Variants in REDIC1 observed in about 807,000 individuals in gnomAD.
REDIC1 encodes the protein regulator of DNA class I crossover intermediates 1, also known as HEI10 Interacting Protein 1.
chr12:39,789,995 C>T, the REDIC1 span, among the ~76,000 whole-genome samples: 2 of 151,822 alleles, frequency 1.3e-5, no homozygotes, highest in Non-Finnish European at 2.9e-5. Context: ...TAGCCACATT[C>T]AAAAAGTAAA....
the REDIC1 span, among the ~76,000 whole-genome samples, chr12:39,855,746 C>G: frequency 6.6e-6 from 1 of 152,292 alleles, no homozygotes. Flanking sequence ...AGACTTTCAG[C>G]TACTAAAACC....
chr12:39,693,382 T>G, the REDIC1 span, among the ~76,000 whole-genome samples: 1 of 151,908 alleles, frequency 6.6e-6, no homozygotes, highest in Non-Finnish European at 1.5e-5. Context: ...TCTATCCTTA[T>G]CCTCCCTGCC....
At chr12:39,781,964 G>C in the REDIC1 span, among the ~76,000 whole-genome samples, 3 of 152,206 alleles carry the variant, frequency 2.0e-5, no homozygotes, top group African/African-American at 7.2e-5. Flanking sequence ...ATAATCTTGA[G>C]TTATGGTTGT....
At chr12:39,740,997 C>T in the REDIC1 span, among the ~76,000 whole-genome samples, 111 of 151,996 alleles carry the variant, frequency 7.3e-4, no homozygotes, top group Admixed American at 1.8e-3. Flanking sequence ...GATGGAGTCC[C>T]GCTCTGTCAC....
the REDIC1 span, among the ~76,000 whole-genome samples, chr12:39,664,672 A>G: frequency 6.6e-6 from 1 of 152,228 alleles, no homozygotes; most frequent in African/African-American, 2.4e-5. Flanking sequence ...CAATGGTTGA[A>G]CTAGTTTACA....
At chr12:39,850,487 G>C in the REDIC1 span, among the ~76,000 whole-genome samples, 42 of 152,202 alleles carry the variant, frequency 2.8e-4, no homozygotes, top group East Asian at 6.9e-3. Flanking sequence ...AACTTAGGAT[G>C]CTTAGGTTTC....
chr12:39,742,305 C>G, the REDIC1 span, among the ~76,000 whole-genome samples: 1 of 152,054 alleles, frequency 6.6e-6, no homozygotes, highest in Non-Finnish European at 1.5e-5. Context: ...GTTAAATATC[C>G]TTTTTTTCAA....
the REDIC1 span, among the ~76,000 whole-genome samples, chr12:39,747,528 T>C: frequency 4.7e-4 from 72 of 152,256 alleles, no homozygotes; most frequent in African/African-American, 1.5e-3. Flanking sequence ...AAGAACTTCC[T>C]CAACCTAGCA....
At chr12:39,655,544 A>G in the REDIC1 span, among the ~76,000 whole-genome samples, 1 of 152,166 alleles carries the variant, frequency 6.6e-6, no homozygotes, top group Admixed American at 6.6e-5. Context: ...GAGTTTATCA[A>G]AGCTCATTAT....
chr12:39,886,082 T>C, the REDIC1 span, among the ~76,000 whole-genome samples: 92 of 152,282 alleles, frequency 6.0e-4, 1 homozygote, highest in South Asian at 0.019. Flanking sequence ...AATAAACAGG[T>C]CAAGGTTAAA....
At chr12:39,672,249 G>T in the REDIC1 span, among the ~76,000 whole-genome samples, 13 of 152,100 alleles carry the variant, frequency 8.5e-5, no homozygotes, top group Admixed American at 2.6e-4. Context: ...GGCTGGGTGG[G>T]CCTGTTCTCA....
chr12:39,810,479 T>C, the REDIC1 span, among the ~76,000 whole-genome samples: 1 of 152,220 alleles, frequency 6.6e-6, no homozygotes, highest in Admixed American at 6.5e-5. Context: ...TGCCTTTTCT[T>C]GCCTTATTAC....
chr12:39,687,994 G>T, the REDIC1 span, among the ~76,000 whole-genome samples: 1 of 152,124 alleles, frequency 6.6e-6, no homozygotes, highest in Non-Finnish European at 1.5e-5. Context: ...GATATTTTCA[G>T]CTATACTGTT....
chr12:39,805,386 G>T, the REDIC1 span, among the ~76,000 whole-genome samples: 2 of 152,110 alleles, frequency 1.3e-5, no homozygotes, highest in African/African-American at 2.4e-5. Context: ...GGCTGGAGCA[G>T]GTGTAAGAGG....
At chr12:39,636,899 T>C in the REDIC1 span, among the ~76,000 whole-genome samples, 1 of 152,038 alleles carries the variant, frequency 6.6e-6, no homozygotes, top group Non-Finnish European at 1.5e-5. Flanking sequence ...ATTTCTTTGG[T>C]AACTTTATTG....
At chr12:39,756,220 T>A in the REDIC1 span, 1 of 152,014 alleles carries the variant, frequency 6.6e-6, no homozygotes, top group Non-Finnish European at 1.5e-5. Flanking sequence ...ACATATGAGC[T>A]ATAAATTTTA....
chr12:39,880,566 A>C, the REDIC1 span, among the ~76,000 whole-genome samples: 4 of 152,206 alleles, frequency 2.6e-5, no homozygotes, highest in African/African-American at 9.7e-5. Context: ...AAATCATAGA[A>C]ACCTGCAGAA....
the REDIC1 span, among the ~76,000 whole-genome samples, chr12:39,832,329 A>G: frequency 3.3e-5 from 5 of 152,188 alleles, no homozygotes; most frequent in African/African-American, 1.2e-4. Context: ...CAATGGCCTT[A>G]AATGATACTC....
the REDIC1 span, among the ~76,000 whole-genome samples, chr12:39,821,409 CAA>C: frequency 6.9e-6 from 1 of 144,096 alleles, no homozygotes; most frequent in Admixed American, 7.0e-5. Flanking sequence ...GACTCCGTCT[CAA>C]AAAAAAAAAA....
Sources: gnomAD v4.1 joint callset for allele counts (sites outside exome capture counted in the v4.1 genomes callset) on GRCh38, gnomAD v4.1.1 for gene constraint, MANE v1.5 for transcripts, NCBI Gene and HGNC (gene_info 2026-07-23, HGNC 2026-07-21) for gene names.